The following RP1 variants were observed in gnomAD, a reference collection of about 807,000 sequenced individuals.
RP1 encodes oxygen-regulated protein 1.
Under a neutral mutation model 14.8 loss-of-function variants are expected in RP1, and 16 were observed. The observed-to-expected ratio is 1.08, with a 90% CI of 0.73 to 1.65. The LOEUF (loss-of-function observed/expected upper bound fraction) is 1.65, where lower values mean the gene tolerates loss of function less well. Ranked by LOEUF, RP1 falls within the 40% of genes most tolerant of loss-of-function variation. The pLI is 0.00. For missense variants in RP1, 2,631 were observed against 2,535.0 expected, an observed-to-expected ratio of 1.04 and a Z score of -0.81; for synonymous variants, 876 against 883.6, an observed-to-expected ratio of 0.99 and a Z score of 0.15.
At chr8:54,784,366 T>C (rs1471398229) in intron 24 of RP1, among the ~76,000 whole-genome samples, 1 of 152,178 alleles carries the variant, frequency 6.6e-6, no homozygotes, top group Non-Finnish European at 1.5e-5. Flanking sequence ...TAGCACCCTG[T>C]ATTACATACA....
At chr8:54,767,728 A>G (rs1809795243) in intron 22 of RP1, among the ~76,000 whole-genome samples, 1 of 152,228 alleles carries the variant, frequency 6.6e-6, no homozygotes, top group Non-Finnish European at 1.5e-5. Context: ...CTCTTTACAT[A>G]CATAACAATG....
At chr8:54,689,044 A>T (rs1304715010) in intron 12 of RP1, among the ~76,000 whole-genome samples, 2 of 152,076 alleles carry the variant, frequency 1.3e-5, no homozygotes, top group Non-Finnish European at 2.9e-5. Flanking sequence ...TGTAAGTTGG[A>T]TTCCTAGGTG....
chr8:54,652,317 T>C (rs1282505494), intron 4 of RP1, among the ~76,000 whole-genome samples: 1 of 152,252 alleles, frequency 6.6e-6, no homozygotes, highest in Non-Finnish European at 1.5e-5. Context: ...TCTGGATTCA[T>C]TCCATTGTGT....
chr8:54,741,536 A>G (rs1330282666), intron 19 of RP1, among the ~76,000 whole-genome samples: 2 of 151,792 alleles, frequency 1.3e-5, no homozygotes, highest in Non-Finnish European at 2.9e-5. Flanking sequence ...GTAGTAGGCT[A>G]TTCCATCTAG....
chr8:54,625,069 G>A lies in RP1; in HGVS notation c.1187G>A (p.Arg396Gln), dbSNP rs141279458. 414 of 1,614,140 alleles carry A rather than the reference G, an allele frequency of 2.6e-4. No individual in the cohort carries two copies. The African/African-American group carries it at 4.8e-3, about 19-fold the overall frequency. The change falls in exon 4 of 4, where the codon CGA becomes CAA. Residue 396 changes from arginine (R) to glutamine (Q), a missense_variant. Arg to Gln is a conservative substitution (Grantham distance 43). Coordinates refer to ENST00000220676, the MANE Select transcript of RP1 (RefSeq NM_006269.2). ...TCTGCAGATGTGTCACCTATGGAGC[G>A]AAGCAGTAATCAAGAGGGCAGTTTG... ...SFSADVSPME[R>Q]SSNQEGSLAE...
chr8:54,804,687 A>G (rs907609533), intron 24 of RP1, among the ~76,000 whole-genome samples: 2 of 152,240 alleles, frequency 1.3e-5, no homozygotes, highest in Non-Finnish European at 2.9e-5. Flanking sequence ...GTTAAAAGCT[A>G]CATTTGATGT....
At chr8:54,615,046 C>T (rs549467143), upstream of RP1, among the ~76,000 whole-genome samples, 1 of 152,320 alleles carries the variant, frequency 6.6e-6, no homozygotes, top group South Asian at 2.1e-4. Flanking sequence ...TATTGCTACC[C>T]TGTAAACACA....
intron 17 of RP1, among the ~76,000 whole-genome samples, chr8:54,727,776 G>A (rs1024754236): frequency 1.3e-5 from 2 of 151,846 alleles, no homozygotes; most frequent in African/African-American, 4.8e-5. Context: ...TAGGTGAGCT[G>A]TTCAGATAAA....
chr8:54,720,548 T>C (rs143957433), intron 16 of RP1, among the ~76,000 whole-genome samples: 201 of 152,326 alleles, frequency 1.3e-3, no homozygotes, highest in African/African-American at 4.7e-3. Context: ...TTGAAAGTTA[T>C]GTGTGTGCAT....
intron 12 of RP1, among the ~76,000 whole-genome samples, chr8:54,680,677 G>A (rs770782316): frequency 6.6e-6 from 1 of 152,134 alleles, no homozygotes; most frequent in Non-Finnish European, 1.5e-5. Flanking sequence ...TAAATGTCTG[G>A]GCCGGGTGTG....
chr8:54,865,589 A>T (rs983558797), intron 27 of RP1, among the ~76,000 whole-genome samples: 5 of 151,522 alleles, frequency 3.3e-5, no homozygotes, highest in African/African-American at 7.3e-5. Context: ...TTTTTAAATA[A>T]TTTTTTTTTA....
intron 24 of RP1, among the ~76,000 whole-genome samples, chr8:54,811,760 T>C (rs1480613248): frequency 1.3e-5 from 2 of 152,250 alleles, no homozygotes; most frequent in Non-Finnish European, 2.9e-5. Context: ...TTCCAGGTTT[T>C]AACTGATTCA....
In RP1 at chr8:54,754,902, C is replaced by A. The variant is rs1297850336; in HGVS notation, c.2908C>A (p.Pro970Thr). Reference sequence around the variant, plus strand: ...AGATGGGGATGTTGTCTGTGAGCTTCCTGTAGTAAAAGGAGGACAAGCTAT... The same window carrying A: ...AGATGGGGATGTTGTCTGTGAGCTTACTGTAGTAAAAGGAGGACAAGCTAT... The change falls in exon 20 of 23, where the codon CCT (proline) becomes ACT (threonine). Residue 970 changes from proline (P) to threonine (T), a missense_variant. By Grantham distance (38) the Pro-to-Thr change is conservative. Coordinates refer to the RP1 transcript ENST00000636932. The A allele has an allele frequency of 3.3e-6, 5 of 1,526,110 alleles. No individual in the cohort carries two copies. In the African/African-American group the frequency reaches 5.5e-5, roughly 17 times the overall value. 94.5% of individuals were successfully genotyped at this position (1,526,110 alleles called of 1,614,324 possible).
At chr8:54,633,737 C>CTCTCTCTA (rs1236298691), downstream of RP1, among the ~76,000 whole-genome samples, 1,043 of 118,726 alleles carry the variant, frequency 8.8e-3, 3 homozygotes, top group Middle Eastern at 0.022. Context: ...CTCTCTCTCT[C>CTCTCTCTA]TATATATATA....
chr8:54,610,714 C>G (rs1458088218), intron 1 of RP1, among the ~76,000 whole-genome samples: 2 of 152,184 alleles, frequency 1.3e-5, no homozygotes, highest in Non-Finnish European at 2.9e-5. Flanking sequence ...TTCCCCACAG[C>G]CAATCCATAT....
intron 1 of RP1, among the ~76,000 whole-genome samples, chr8:54,568,471 A>C (rs1252437165): frequency 7.9e-5 from 12 of 152,086 alleles, no homozygotes; most frequent in Admixed American, 2.0e-4. Flanking sequence ...ATATTTGGAG[A>C]TATGTTGTTG....
rs1183038470 is a variant in RP1, at chr8:54,778,883, A to G, written c.3452-4664A>G. Among the ~76,000 whole-genome samples the G allele has an allele frequency of 3.3e-5, 5 of 152,096 alleles. 1 individual carries two copies. Among genetic ancestry groups the G allele is most frequent in the Admixed American group, 3.3e-4 (5 of 15,266 alleles). On this transcript the variant is annotated intron_variant, in intron 23 of 28. Transcript: ENST00000637698. ...TATTATAAAAAGAGCTAGATTAGAC[A>G]TTTGACAGGCATACCAATCTATATG...
At chr8:54,631,640 T>G (rs1320310393), downstream of RP1, among the ~76,000 whole-genome samples, 1 of 152,000 alleles carries the variant, frequency 6.6e-6, no homozygotes, top group African/African-American at 2.4e-5. Context: ...ACCCAGTTCT[T>G]TGTGCTTGAA....
exon 18 of RP1, chr8:54,734,611 T>C (rs996700914): frequency 1.3e-6 from 2 of 1,535,632 alleles, no homozygotes; most frequent in Non-Finnish European, 1.7e-6. Context: ...GTGTTAGTGC[T>C]GACAGGAAAT....
Sources: allele counts gnomAD v4.1 joint callset (sites outside exome capture counted in the v4.1 genomes callset), GRCh38; gene constraint gnomAD v4.1.1; transcripts MANE v1.5; gene names NCBI Gene and HGNC (gene_info 2026-07-23, HGNC 2026-07-21).